The following WDHD1 variants were observed in gnomAD, a reference collection of about 807,000 sequenced individuals.
WDHD1 encodes WD repeat and HMG-box DNA-binding protein 1.
A neutral mutation model predicts 135.4 loss-of-function variants in WDHD1; 111 were observed. The ratio of observed to expected loss-of-function variants is 0.82; its 90% CI spans 0.70 to 0.96. WDHD1 has a LOEUF of 0.96. Ranked by LOEUF, WDHD1 falls within the 40% of genes least tolerant of loss-of-function variation. The pLI is 0.00. For missense variants in WDHD1, 1,351 were observed against 1,336.3 expected (o/e 1.01, Z -0.17); for synonymous variants, 434 against 439.0 (o/e 0.99, Z 0.14).
At chr14:54,962,406 CTTAAGAG>C in intron 21 of WDHD1, 85 bp downstream of exon 21, 2 of 945,404 alleles carry the variant, frequency 2.1e-6, no homozygotes, top group South Asian at 2.7e-5. Context: ...CAAAAGTGGC[CTTAAGAG>C]TTAAGGTGTA....
Position 54,991,310 on chromosome 14 carries a change from G to A in WDHD1, c.1244C>T (p.Thr415Ile), listed in dbSNP as rs202210324. 2.5e-6 allele frequency: 4 copies of A among 1,614,084 alleles called. No homozygotes were observed. Among genetic ancestry groups the A allele is most frequent in the East Asian group, 4.5e-5 (2 of 44,886 alleles). ...EGSIHNLPLV[T>I]SQRPFYDGPM... ...TCCATCATAAAATGGCCTTTGGGAT[G>A]TTACAAGTGGTAGATTGTGAATGCT... The change falls in exon 12 of 26, where the codon ACA (threonine) becomes ATA (isoleucine). Residue 415 changes from threonine (T) to isoleucine (I), a missense_variant. Thr to Ile is a moderately conservative substitution (Grantham distance 89). Transcript: ENST00000360586.
chr14:54,971,971 G>C (rs2041441701), intron 16 of WDHD1, among the ~76,000 whole-genome samples: 2 of 152,106 alleles, frequency 1.3e-5, no homozygotes, highest in African/African-American at 4.8e-5. Context: ...TGGATCACTT[G>C]AAACCAGTAG....
intron 21 of WDHD1, 125 bp from the exon 22 acceptor site, chr14:54,957,760 A>T (rs1459093320): frequency 1.5e-5 from 11 of 746,436 alleles, no homozygotes; most frequent in Non-Finnish European, 2.3e-5. Flanking sequence ...CAACTTTTCA[A>T]AACTATTAAC....
chr14:55,015,736 TCGCCCAGG>T (rs1488897468), intron 2 of WDHD1, among the ~76,000 whole-genome samples: 3 of 151,760 alleles, frequency 2.0e-5, no homozygotes, highest in Non-Finnish European at 4.4e-5. Flanking sequence ...TCTCACTCTG[TCGCCCAGG>T]CTGAAGTGCA....
Position 54,962,538 on chromosome 14 carries a change from A to G in WDHD1, c.2661T>C (p.Phe887=). ...CATCAGAGGAATTTGTACTTTTGGAAAACGAGTTCTGTCCTACAGATTAAA... is the reference window on the plus strand; with the variant it reads ...CATCAGAGGAATTTGTACTTTTGGAGAACGAGTTCTGTCCTACAGATTAAA... ...PEIHKPGQNS[F]SKSTNSSDVS... Residue 887 remains phenylalanine, a synonymous_variant, in exon 21 of 26, where the codon TTT becomes TTC. Coordinates refer to ENST00000360586, the MANE Select transcript of WDHD1 (RefSeq NM_007086.4). The G allele has an allele frequency of 6.2e-7, 1 of 1,610,368 alleles. No individual in the cohort carries two copies. Among genetic ancestry groups the G allele is most frequent in the Non-Finnish European group, 8.5e-7 (1 of 1,177,540 alleles).
At chr14:55,018,566 A>G (rs1271768087) in intron 2 of WDHD1, among the ~76,000 whole-genome samples, 2 of 152,200 alleles carry the variant, frequency 1.3e-5, no homozygotes, top group African/African-American at 4.8e-5. Context: ...TGTCCTTAAA[A>G]ACAGTGAAGA....
At chr14:54,948,232 G>A (rs2040967533) in intron 24 of WDHD1, among the ~76,000 whole-genome samples, 1 of 152,130 alleles carries the variant, frequency 6.6e-6, no homozygotes, top group African/African-American at 2.4e-5. Flanking sequence ...CACACCGAGT[G>A]TGAGCTGAAG....
chr14:54,967,350 C>T lies in WDHD1; in HGVS notation c.2108G>A (p.Arg703His), dbSNP rs756117541. ...AAAGGATAATATAGCAACAGCAGGG[C>T]GTGGAAGGGTTGGGGGAAACCGAGA... is the stretch of plus-strand genomic sequence containing the variant. Reference protein sequence around the residue: ...KGSRFPPTLPRPAVAILSFKL... With the variant: ...KGSRFPPTLPHPAVAILSFKL... Residue 703 changes from arginine to histidine, a missense_variant, in exon 17 of 26, where the codon CGC becomes CAC. By Grantham distance (29) the Arg-to-His change is conservative. This residue lies in a region of WDHD1 where 1,330 missense variants were observed against 1,296.1 expected (regional missense o/e 1.03). Coordinates refer to ENST00000360586, the MANE Select transcript of WDHD1 (RefSeq NM_007086.4). 9 of 1,612,020 alleles carry T rather than the reference C, an allele frequency of 5.6e-6. No individual in the cohort carries two copies. The East Asian group carries it at 6.7e-5, about 12-fold the overall frequency.
At chr14:54,955,895 C>CGTTTT (rs1281053966) in intron 23 of WDHD1, among the ~76,000 whole-genome samples, 6 of 110,096 alleles carry the variant, frequency 5.4e-5, no homozygotes, top group Non-Finnish European at 7.1e-5. Flanking sequence ...CCATGTTTTC[C>CGTTTT]TTTTTTTTTT....
chr14:55,010,030 G>T (rs1470117353), intron 4 of WDHD1, among the ~76,000 whole-genome samples: 1 of 151,882 alleles, frequency 6.6e-6, no homozygotes, highest in Non-Finnish European at 1.5e-5. Flanking sequence ...TGTTGGCCAG[G>T]CTGGTCTTGA....
chr14:54,967,501 A>C lies in WDHD1; in HGVS notation c.2064-107T>G, dbSNP rs1184043539. ...AGTAACTTAGAATAGTAATATTATA[A>C]TAGCTGCCTTAATCATATATAACAA... On this transcript the variant is annotated intron_variant, in intron 16 of 25. Transcript: ENST00000360586. The C allele has an allele frequency of 4.5e-6, 3 of 670,364 alleles. No homozygotes were observed. In the African/African-American group the frequency reaches 5.5e-5, roughly 12 times the overall value. The allele number at this position is 670,364 out of a possible 1,614,324, so 41.5% of individuals were successfully genotyped here.
rs542340939 is a variant in WDHD1 at position 54,979,459 on chromosome 14, TAGTCAAATTTCTTGATA to T, written c.2063+2064_2063+2080del. Among the ~76,000 whole-genome samples the T allele has an allele frequency of 8.5e-4, 129 of 152,320 alleles. No individual in the cohort carries two copies. In the Middle Eastern group the frequency reaches 0.01, roughly 12 times the overall value. On this transcript the variant is annotated intron_variant, in intron 16 of 25. Coordinates refer to ENST00000360586, the MANE Select transcript of WDHD1 (RefSeq NM_007086.4). ...GCGTGAGCCACCTCGCCTGGCCCAA[TAGTCAAATTTCTTGATA>T]AGAGTTATCCACATATTCTACTTTC...
At chr14:54,967,515 C>T in intron 16 of WDHD1, 121 bp from the exon 17 acceptor site, 1 of 589,846 alleles carries the variant, frequency 1.7e-6, no homozygotes. Flanking sequence ...CTGCCTTAAT[C>T]ATATATAACA....
In WDHD1 at chr14:54,963,179, CA is replaced by C. The variant is rs752964193; in HGVS notation, c.2311-8del. The C allele has an allele frequency of 2.7e-5, 22 of 803,070 alleles. No homozygotes were observed. Among genetic ancestry groups the C allele is most frequent in the African/African-American group, 7.8e-5 (2 of 25,656 alleles). The allele number at this position is 803,070 out of a possible 1,614,324, so 49.7% of individuals were successfully genotyped here. A position where few individuals can be genotyped will look rare whatever the true frequency, so the allele number is the denominator to read the frequency against. On this transcript the variant is annotated splice_region_variant and splice_polypyrimidine_tract_variant and intron_variant, in intron 18 of 25. Transcript: ENST00000360586. ...GCTCCAGTTTACAAGAAAGCTAATCCAAAAAGGGGGGGGGGGGGGAGATCAA... is the reference window on the plus strand; with the variant it reads ...GCTCCAGTTTACAAGAAAGCTAATCCAAAAGGGGGGGGGGGGGGAGATCAA...
At chr14:54,987,487 T>A in intron 13 of WDHD1, 100 bp from the exon 14 acceptor site, 2 of 1,100,320 alleles carry the variant, frequency 1.8e-6, no homozygotes, top group Non-Finnish European at 1.2e-6. Context: ...AACCAAATAG[T>A]TTACTTCCTA....
chr14:54,944,088 CT>C (rs548668357), intron 25 of WDHD1, among the ~76,000 whole-genome samples: 55 of 147,136 alleles, frequency 3.7e-4, no homozygotes, highest in Middle Eastern at 3.5e-3. Context: ...AAGGCTTTTC[CT>C]TTTTTTTTTA....
intron 24 of WDHD1, among the ~76,000 whole-genome samples, chr14:54,952,687 C>T (rs892582979): frequency 6.6e-5 from 10 of 152,188 alleles, no homozygotes; most frequent in Admixed American, 5.9e-4. Context: ...ATTGCCAAGT[C>T]ACTCATAAGC....
chr14:54,957,720 T>A (rs2041183964), intron 21 of WDHD1, 85 bp from the exon 22 acceptor site: 1 of 1,118,248 alleles, frequency 8.9e-7, no homozygotes, highest in Non-Finnish European at 1.3e-6. Context: ...AGTATTTTAA[T>A]CCCCATTAAA....
intron 25 of WDHD1, among the ~76,000 whole-genome samples, chr14:54,943,800 T>C (rs1217313124): frequency 1.3e-5 from 2 of 151,626 alleles, no homozygotes; most frequent in Non-Finnish European, 2.9e-5. Flanking sequence ...CGTCAAAAAA[T>C]TAACCATCCA....
Sources: gnomAD v4.1 joint callset for allele counts (sites outside exome capture counted in the v4.1 genomes callset) on GRCh38, gnomAD v4.1.1 for gene constraint, gnomAD v4.1.1 regional missense constraint, MANE v1.5 for transcripts, NCBI Gene and HGNC (gene_info 2026-07-23, HGNC 2026-07-21) for gene names.